The following PIK3AP1 variants were observed in gnomAD, a reference collection of about 807,000 sequenced individuals.
PIK3AP1 encodes phosphoinositide 3-kinase adapter protein 1.
Under a neutral mutation model 88.1 loss-of-function variants are expected in PIK3AP1, and 21 were observed. The ratio of observed to expected loss-of-function variants is 0.24; its 90% confidence interval spans 0.17 to 0.34. The LOEUF (loss-of-function observed/expected upper bound fraction) is 0.34, where lower values mean the gene tolerates loss of function less well. Among genes scored for constraint, PIK3AP1 ranks in the 10% least tolerant of loss-of-function variants. The probability of loss-of-function intolerance (pLI) is 1.00; values close to 1 mark genes in which losing one functional copy is unlikely to be tolerated. For synonymous variants in PIK3AP1, 398 were observed against 400.0 expected, an observed-to-expected ratio of 1.00 and a Z score of 0.06; for missense variants, 828 against 1,035.7, an observed-to-expected ratio of 0.80 and a Z score of 2.75.
intron 11 of PIK3AP1, among the ~76,000 whole-genome samples, chr10:96,622,749 T>C (rs1295710899): frequency 6.6e-6 from 1 of 152,190 alleles, no homozygotes; most frequent in East Asian, 1.9e-4. Context: ...GAATCCTCAA[T>C]GGGATAATAC....
intron 8 of PIK3AP1, among the ~76,000 whole-genome samples, chr10:96,639,144 G>T (rs1438843112): frequency 6.6e-6 from 1 of 152,152 alleles, no homozygotes; most frequent in Non-Finnish European, 1.5e-5. Context: ...TGGAGTTACT[G>T]CCACCCTGAG....
rs534640073 is a variant in PIK3AP1, at chr10:96,688,567, G to A, written c.430+21000C>T. On this transcript the variant is annotated intron_variant, in intron 2 of 16. Coordinates refer to ENST00000339364, the MANE Select transcript of PIK3AP1 (RefSeq NM_152309.3). ...TAATCCCAGCAGTTTGGTAGCCCGAGGCAGGTGGATTACTTGAGGTCAGGA... is the reference window on the plus strand; with the variant it reads ...TAATCCCAGCAGTTTGGTAGCCCGAAGCAGGTGGATTACTTGAGGTCAGGA... 2.6e-5 allele frequency among the ~76,000 whole-genome samples: 4 copies of A among 152,304 alleles called. No homozygotes were observed. In the South Asian group the frequency reaches 6.2e-4, roughly 24 times the overall value.
intron 15 of PIK3AP1, 76 bp from the exon 16 acceptor site, chr10:96,602,474 A>G (rs1055770425): frequency 2.3e-6 from 3 of 1,298,920 alleles, no homozygotes; most frequent in Non-Finnish European, 3.3e-6. Flanking sequence ...CGTAACTCAA[A>G]AGCCCCTTGG....
At chr10:96,663,246 T>C (rs566356565) in intron 2 of PIK3AP1, among the ~76,000 whole-genome samples, 2 of 152,238 alleles carry the variant, frequency 1.3e-5, no homozygotes, top group Admixed American at 6.5e-5. Flanking sequence ...ATGGTGAATA[T>C]TGCACAAATC....
rs57542203 is a variant in PIK3AP1, at chr10:96,690,436, A to ATT, written c.430+19129_430+19130dup. 2.0e-4 allele frequency among the ~76,000 whole-genome samples: 30 copies of ATT among 151,476 alleles called. No homozygotes were observed. The South Asian group carries it at 2.1e-3, about 11-fold the overall frequency. ...CACCACCATGCCCAGCTAATTTTTT[A>ATT]TTTTTTTTGTAGTGATGGGATCTGA... On this transcript the variant is annotated intron_variant, in intron 2 of 16. Transcript: ENST00000339364.
At chr10:96,716,460 A>G (rs1844503806) in intron 1 of PIK3AP1, among the ~76,000 whole-genome samples, 1 of 152,182 alleles carries the variant, frequency 6.6e-6, no homozygotes, top group Admixed American at 6.5e-5. Context: ...ACCAATTACT[A>G]AGTCTAGGCA....
intron 2 of PIK3AP1, among the ~76,000 whole-genome samples, chr10:96,687,255 C>CAAAAAAAAAAAAAAA (rs59631566): frequency 3.6e-5 from 2 of 55,306 alleles, no homozygotes; most frequent in African/African-American, 7.6e-5. Flanking sequence ...TACTCCATCT[C>CAAAAAAAAAAAAAAA]AAAAAAAAAA....
At chr10:96,612,809 C>A in intron 13 of PIK3AP1, among the ~76,000 whole-genome samples, 1 of 151,662 alleles carries the variant, frequency 6.6e-6, no homozygotes. Context: ...TCTCCATCCC[C>A]TACCACTTTC....
intron 2 of PIK3AP1, among the ~76,000 whole-genome samples, chr10:96,701,805 G>C (rs1346648668): frequency 6.6e-6 from 1 of 152,122 alleles, no homozygotes; most frequent in African/African-American, 2.4e-5. Context: ...AAAGATTTAG[G>C]CATGAAGCTG....
chr10:96,708,348 G>A (rs1332596236), intron 2 of PIK3AP1, among the ~76,000 whole-genome samples: 1 of 152,092 alleles, frequency 6.6e-6, no homozygotes, highest in African/African-American at 2.4e-5. Context: ...GCCGAGGCAG[G>A]TGGATCACCT....
chr10:96,707,548 C>G (rs1844380699), intron 2 of PIK3AP1, among the ~76,000 whole-genome samples: 1 of 152,200 alleles, frequency 6.6e-6, no homozygotes, highest in South Asian at 2.1e-4. Context: ...CCGCCTCGGC[C>G]TCCCAAAGTG....
intron 2 of PIK3AP1, among the ~76,000 whole-genome samples, chr10:96,666,813 G>T (rs1843769677): frequency 6.6e-6 from 1 of 151,972 alleles, no homozygotes; most frequent in Admixed American, 6.6e-5. Context: ...TGCCCAGAAG[G>T]AATGAAATTA....
Position 96,720,284 on chromosome 10 carries a change from G to C in PIK3AP1, c.13+98C>G, listed in dbSNP as rs1471074798. On this transcript the variant is annotated intron_variant, in intron 1 of 16. Coordinates refer to ENST00000339364, the MANE Select transcript of PIK3AP1 (RefSeq NM_152309.3). The surrounding 1 kb of genome is among the most constrained non-coding windows in gnomAD (Gnocchi z 4.6). ...AAAGAGGGCAAGATCCCCGCACAGA[G>C]GACGCAAACAGAAGCAAGCGGGGGA... The C allele has an allele frequency of 3.5e-6, 4 of 1,143,836 alleles. No homozygotes were observed. The highest frequency in any genetic ancestry group is 4.4e-6 in the Non-Finnish European group (4 of 900,426). The allele number at this position is 1,143,836 out of a possible 1,614,324, so 70.9% of individuals were successfully genotyped here.
intron 11 of PIK3AP1, 113 bp from the exon 12 acceptor site, chr10:96,620,670 C>T: frequency 1.2e-6 from 1 of 859,406 alleles, no homozygotes; most frequent in Non-Finnish European, 1.8e-6. Context: ...CTCAAAAGAA[C>T]AATTACATGT....
At chr10:96,606,913 C>T (rs1475256649) in intron 14 of PIK3AP1, among the ~76,000 whole-genome samples, 1 of 152,274 alleles carries the variant, frequency 6.6e-6, no homozygotes, top group East Asian at 1.9e-4. Context: ...CTTGGTTACA[C>T]TTGAAACTAG....
chr10:96,675,168 C>T (rs967312589), intron 2 of PIK3AP1, among the ~76,000 whole-genome samples: 1 of 133,522 alleles, frequency 7.5e-6, no homozygotes, highest in Non-Finnish European at 1.5e-5. Flanking sequence ...GCTAGGATTA[C>T]AGGTGTGAGC....
chr10:96,649,158 C>T (rs1192077251), intron 6 of PIK3AP1, among the ~76,000 whole-genome samples: 1 of 152,100 alleles, frequency 6.6e-6, no homozygotes, highest in Non-Finnish European at 1.5e-5. Flanking sequence ...GTGATTCTCT[C>T]GCCTCAGCCT....
intron 8 of PIK3AP1, among the ~76,000 whole-genome samples, chr10:96,644,930 G>C (rs957595982): frequency 1.2e-4 from 18 of 152,090 alleles, no homozygotes; most frequent in Non-Finnish European, 2.2e-4. Flanking sequence ...GAGCCACCAA[G>C]ACTGCAAACG....
At chr10:96,707,245 A>C (rs1393690096) in intron 2 of PIK3AP1, among the ~76,000 whole-genome samples, 1 of 152,168 alleles carries the variant, frequency 6.6e-6, no homozygotes, top group East Asian at 1.9e-4. Context: ...AACAATATTA[A>C]AATAATCCTT....
Sources: gnomAD v4.1 joint callset for allele counts (sites outside exome capture counted in the v4.1 genomes callset) on GRCh38, gnomAD v4.1.1 for gene constraint, Gnocchi (gnomAD v3.1) non-coding constraint, MANE v1.5 for transcripts, NCBI Gene and HGNC (gene_info 2026-07-23, HGNC 2026-07-21) for gene names.